Variants in ADGRG3 observed in about 807,000 individuals in gnomAD.
ADGRG3 encodes the protein adhesion G protein-coupled receptor G3.
Under a neutral mutation model 54.3 loss-of-function variants are expected in ADGRG3, and 39 were observed. The ratio of observed to expected loss-of-function variants is 0.72; its 90% confidence interval spans 0.56 to 0.94. The LOEUF (loss-of-function observed/expected upper bound fraction) is 0.94, where lower values mean the gene tolerates loss of function less well. ADGRG3 is among the 40% of genes least tolerant of loss of function. ADGRG3 has a pLI of 0.00. For missense variants in ADGRG3, 654 were observed against 694.6 expected (o/e 0.94, Z 0.66); for synonymous variants, 312 against 290.0 (o/e 1.08, Z -0.77).
chr16:57,678,646 C>T (rs1251858914), intron 4 of ADGRG3: 1 of 396,096 alleles, frequency 2.5e-6, no homozygotes. Context: ...CTTGTGCACG[C>T]ACAAGCCCAT....
chr16:57,678,301 AGGGACTCTCTT>A lies in ADGRG3; in HGVS notation c.478_488del (p.Gly160GlnfsTer33), dbSNP rs1254732868. 1 of 1,614,208 alleles carries A rather than the reference AGGGACTCTCTT, an allele frequency of 6.2e-7. No individual in the cohort carries two copies. The highest frequency in any genetic ancestry group is 1.7e-5 in the Admixed American group (1 of 60,022). The stretch of plus-strand genomic sequence containing the variant: ...CCGTCACCATTCTGGACATTGGTCC[AGGGACTCTCTT>A]CAAGGTGAGGACTCAGGGAAGCTCC... On this transcript the variant is annotated frameshift_variant, in exon 4 of 12. Transcript: ENST00000333493. LOFTEE classifies it high-confidence loss of function.
In ADGRG3 at chr16:57,676,186, C is replaced by G; in HGVS notation, c.207-14C>G. 6.2e-7 allele frequency: 1 copy of G among 1,613,424 alleles called. No homozygotes were observed. The highest frequency in any genetic ancestry group is 8.5e-7 in the Non-Finnish European group (1 of 1,179,420). On this transcript the variant is annotated splice_polypyrimidine_tract_variant and intron_variant, in intron 2 of 11. Transcript: ENST00000333493. ...GCAGGATCCTACCCTCCCCCCATCC[C>G]TGGCCCTTTGCAGATACTGGCTAAA...
chr16:57,680,651 T>TC (rs763706439), intron 8 of ADGRG3, 34 bp downstream of exon 8: 3 of 1,455,634 alleles, frequency 2.1e-6, no homozygotes, highest in Non-Finnish European at 1.9e-6. Context: ...CATGTCTCCC[T>TC]CCCGCCCTCA....
chr16:57,679,159 C>A lies in ADGRG3; in HGVS notation c.493-18C>A, dbSNP rs200980292. ...GGCCCCTTCTGCAGCCTGGCCTCCC[C>A]GATCTCCCCTTTCACAGGGCCCCCG... On this transcript the variant is annotated intron_variant, in intron 4 of 11. Transcript: ENST00000333493. 2 of 1,613,164 alleles carry A rather than the reference C, an allele frequency of 1.2e-6. No individual in the cohort carries two copies. The highest frequency in any genetic ancestry group is 8.5e-7 in the Non-Finnish European group (1 of 1,179,790).
rs1349936366 is a variant in ADGRG3 at position 57,682,443 on chromosome 16, AC to A, written c.882-1486del. On this transcript the variant is annotated intron_variant, in intron 8 of 11. Coordinates refer to ENST00000333493, the MANE Select transcript of ADGRG3 (RefSeq NM_170776.5). ...GGCCCACCCAATCCATCACAGACCAACCCATGAGTGTAAATGGTGCCCCTCA... is the reference window on the plus strand; with the variant it reads ...GGCCCACCCAATCCATCACAGACCAACCATGAGTGTAAATGGTGCCCCTCA... 6 of 979,612 alleles carry A rather than the reference AC, an allele frequency of 6.1e-6. No individual in the cohort carries two copies. In the African/African-American group the frequency reaches 1.0e-4, roughly 17 times the overall value. The allele number at this position is 979,612 out of a possible 1,614,324, so 60.7% of individuals were successfully genotyped here.
intron 4 of ADGRG3, chr16:57,678,591 CTG>C: frequency 1.9e-6 from 1 of 516,884 alleles, no homozygotes. Context: ...CTCGTGTGCT[CTG>C]TGTGTCCTCG....
intron 3 of ADGRG3, among the ~76,000 whole-genome samples, chr16:57,676,864 A>T (rs1280220526): frequency 1.4e-4 from 22 of 152,134 alleles, no homozygotes; most frequent in Non-Finnish European, 3.1e-4. Context: ...CAAAACAAAC[A>T]AAAGATGAAT....
At chr16:57,682,029 T>C (rs1266518606) in intron 8 of ADGRG3, among the ~76,000 whole-genome samples, 3 of 152,252 alleles carry the variant, frequency 2.0e-5, no homozygotes, top group Non-Finnish European at 4.4e-5. Flanking sequence ...AATACACAGA[T>C]TGGCCGGCCA....
At chr16:57,667,791 G>C (rs2048083020), upstream of ADGRG3, among the ~76,000 whole-genome samples, 1 of 152,220 alleles carries the variant, frequency 6.6e-6, no homozygotes, top group Non-Finnish European at 1.5e-5. Context: ...CCTGGTTCAA[G>C]CCATAGGCAC....
At position 57,669,633 on chromosome 16, in the gene ADGRG3, C is replaced by T. The variant is rs759577199; in HGVS notation, c.58+1228C>T. Among the ~76,000 whole-genome samples, 8 of 152,218 alleles carry T rather than the reference C, an allele frequency of 5.3e-5. No homozygotes were observed. The South Asian group carries it at 8.3e-4, about 16-fold the overall frequency. On this transcript the variant is annotated intron_variant, in intron 1 of 11. Transcript: ENST00000333493. ...CAAGGAGCTCTGAGAGGTCTACACACAGGAAGGTCTGCACACTTCCTGTGT... is the reference window on the plus strand; with the variant it reads ...CAAGGAGCTCTGAGAGGTCTACACATAGGAAGGTCTGCACACTTCCTGTGT...
intron 3 of ADGRG3, among the ~76,000 whole-genome samples, chr16:57,676,719 G>A (rs2048271027): frequency 6.6e-6 from 1 of 152,194 alleles, no homozygotes; most frequent in South Asian, 2.1e-4. Context: ...GATTAACATG[G>A]CCAGGTGCAG....
chr16:57,671,492 C>G (rs746632814), intron 1 of ADGRG3, among the ~76,000 whole-genome samples: 5 of 152,118 alleles, frequency 3.3e-5, no homozygotes, highest in Middle Eastern at 3.4e-3. Flanking sequence ...AGGCACCCAC[C>G]ACCACGTCCG....
At chr16:57,688,223 T>C in intron 11 of ADGRG3, 129 bp from the exon 12 acceptor site, 1 of 684,348 alleles carries the variant, frequency 1.5e-6, no homozygotes, top group Non-Finnish European at 2.7e-6. Context: ...AATGGTTGCA[T>C]TTTTGCCTTT....
chr16:57,668,519 G>A, intron 1 of ADGRG3, 114 bp downstream of exon 1: 1 of 1,005,634 alleles, frequency 9.9e-7, no homozygotes. Context: ...TGGGGTGTCT[G>A]GGATGTGTCC....
At chr16:57,680,695 G>A in intron 8 of ADGRG3, 78 bp downstream of exon 8, 2 of 975,444 alleles carry the variant, frequency 2.1e-6, no homozygotes, top group Non-Finnish European at 3.3e-6. Context: ...GAAGCATTCA[G>A]GTTGTGCAGC....
chr16:57,672,942 A>G (rs1456983483), intron 1 of ADGRG3, among the ~76,000 whole-genome samples: 1 of 152,220 alleles, frequency 6.6e-6, no homozygotes, highest in Admixed American at 6.5e-5. Flanking sequence ...GAGTTTAACC[A>G]GGAGGCCACA....
rs766569769 is a variant in ADGRG3, at chr16:57,676,339, G to A, written c.345+1G>A. The stretch of plus-strand genomic sequence containing the variant: ...CTATTTCTCTCTGGAGCCCTCTCAG[G>A]TGAAGAGCTCCCCAGCCCTCTTGGC... On this transcript the variant is annotated splice_donor_variant, in intron 3 of 11. Transcript: ENST00000333493. LOFTEE classifies it high-confidence loss of function. The A allele has an allele frequency of 3.1e-6, 5 of 1,613,882 alleles. No homozygotes were observed. In the East Asian group the frequency reaches 6.7e-5, roughly 22 times the overall value.
At chr16:57,675,884 A>G (rs1350553226) in intron 2 of ADGRG3, among the ~76,000 whole-genome samples, 4 of 152,184 alleles carry the variant, frequency 2.6e-5, no homozygotes, top group African/African-American at 9.7e-5. Context: ...AGGTAGTGTG[A>G]CGGTTGCACA....
In ADGRG3 at chr16:57,676,140, G is replaced by C. The variant is rs1318477995; in HGVS notation, c.207-60G>C. ...GTCAGCCCTCTCACCCCAGGAGCCT[G>C]ATGAGTGAGTAACTCAGCCTGCAGG... is the stretch of plus-strand genomic sequence containing the variant. On this transcript the variant is annotated intron_variant, in intron 2 of 11. Coordinates refer to ENST00000333493, the MANE Select transcript of ADGRG3 (RefSeq NM_170776.5). The C allele has an allele frequency of 2.6e-6, 4 of 1,527,266 alleles. No homozygotes were observed. The Admixed American group carries it at 6.8e-5, about 26-fold the overall frequency. The allele number at this position is 1,527,266 out of a possible 1,614,324, so 94.6% of individuals were successfully genotyped here.
Sources: allele counts gnomAD v4.1 joint callset (sites outside exome capture counted in the v4.1 genomes callset), GRCh38; gene constraint gnomAD v4.1.1; transcripts MANE v1.5; gene names NCBI Gene and HGNC (gene_info 2026-07-23, HGNC 2026-07-21).